The following CEP131 variants were observed in gnomAD, a reference collection of about 807,000 sequenced individuals.
The protein encoded by CEP131 is centrosomal protein of 131 kDa.
A neutral mutation model predicts 136.8 loss-of-function variants in CEP131; 99 were observed. The observed-to-expected ratio is 0.72, with a 90% CI of 0.62 to 0.86. The LOEUF (loss-of-function observed/expected upper bound fraction) is 0.86. Ranked by LOEUF, CEP131 falls within the 40% of genes least tolerant of loss-of-function variation. CEP131 has a pLI of 0.00. For missense variants in CEP131, 1,459 were observed against 1,463.0 expected (o/e 1.00, Z 0.04); for synonymous variants, 646 against 612.7 (o/e 1.05, Z -0.80).
At chr17:81,222,542 C>T (rs1218734304) in intron 1 of CEP131, among the ~76,000 whole-genome samples, 1 of 152,184 alleles carries the variant, frequency 6.6e-6, no homozygotes, top group Non-Finnish European at 1.5e-5. Context: ...CCTGTCTTCA[C>T]CTGCGCGGGC....
rs1039696882 is a variant in CEP131, at chr17:81,203,846, G to A, written c.516-239C>T. On this transcript the variant is annotated intron_variant, in intron 5 of 25. Transcript: ENST00000450824. This position sits in a 1 kb window ranked among gnomAD's most constrained non-coding sequence, Gnocchi z 4.6. The stretch of plus-strand genomic sequence containing the variant: ...CTCCCACGGGGCAGGGGATAGAATC[G>A]AGGCATGAACGCTGGACGTGCCCAA... The A allele has an allele frequency of 5.7e-6, 3 of 525,720 alleles. No homozygotes were observed. The highest frequency in any genetic ancestry group is 4.8e-5 in the South Asian group (2 of 41,520). 32.6% of individuals were successfully genotyped at this position (525,720 alleles called of 1,614,324 possible). A position where few individuals can be genotyped will look rare whatever the true frequency, so the allele number is the denominator to read the frequency against.
Position 81,203,267 on chromosome 17 carries a change from T to C in CEP131, c.629+227A>G, listed in dbSNP as rs560364713. Among the ~76,000 whole-genome samples, 17 of 152,170 alleles carry C rather than the reference T, an allele frequency of 1.1e-4. No homozygotes were observed. The highest frequency in any genetic ancestry group is 1.9e-4 in the Non-Finnish European group (13 of 68,022). Reference sequence around the variant, plus strand: ...CAAGAACAGAAGAGGGCGGCGGACGTGGATGGGGAGCCCGGTTCACAGCTG... The same window carrying C: ...CAAGAACAGAAGAGGGCGGCGGACGCGGATGGGGAGCCCGGTTCACAGCTG... On this transcript the variant is annotated intron_variant, in intron 6 of 25. Transcript: ENST00000450824. The surrounding 1 kb of genome is among the most constrained non-coding windows in gnomAD (Gnocchi z 4.6).
In CEP131 at chr17:81,195,859, G is replaced by A; in HGVS notation, c.1992C>T (p.Ala664=). 6 of 1,606,652 alleles carry A rather than the reference G, an allele frequency of 3.7e-6. No homozygotes were observed. Among genetic ancestry groups the A allele is most frequent in the Non-Finnish European group, 3.4e-6 (4 of 1,179,866 alleles). Residue 664 remains alanine (A), a synonymous_variant, in exon 16 of 26, where the codon GCC becomes GCT. Coordinates refer to ENST00000450824, the MANE Select transcript of CEP131 (RefSeq NM_014984.4). Reference sequence around the variant, plus strand: ...CCAGCTCGTGCTGCGCCTGTGCCTGGGCCACACGCTCGGTGCATCTCTGGT... The same window carrying A: ...CCAGCTCGTGCTGCGCCTGTGCCTGAGCCACACGCTCGGTGCATCTCTGGT... ...QEDQRCTERV[A]QAQAQHELEI...
chr17:81,212,962 G>C (rs1313943420), intron 2 of CEP131, among the ~76,000 whole-genome samples: 1 of 152,196 alleles, frequency 6.6e-6, no homozygotes, highest in Non-Finnish European at 1.5e-5. Flanking sequence ...CCAGCTCCCA[G>C]ACCTTGGTCT....
Position 81,193,758 on chromosome 17 carries a change from G to A in CEP131, c.2321+168C>T, listed in dbSNP as rs564782705. On this transcript the variant is annotated intron_variant, in intron 18 of 25. Transcript: ENST00000450824. Reference sequence around the variant, plus strand: ...CAAGCCCGAGGACACTGGCCCGGCTGAGGCTGGGCCCCCAAGGGCCACTCC... The same window carrying A: ...CAAGCCCGAGGACACTGGCCCGGCTAAGGCTGGGCCCCCAAGGGCCACTCC... 2.5e-3 allele frequency among the ~76,000 whole-genome samples: 381 copies of A among 152,334 alleles called. 3 individuals are homozygous for A. Among genetic ancestry groups the A allele is most frequent in the African/African-American group, 8.7e-3 (361 of 41,588 alleles).
At chr17:81,196,070 C>T (rs1216426713) in intron 15 of CEP131, 119 bp from the exon 16 acceptor site, 2 of 785,726 alleles carry the variant, frequency 2.5e-6, no homozygotes, top group African/African-American at 1.7e-5. Flanking sequence ...CTGGGGCTGC[C>T]CCTCCTAGGT....
At chr17:81,194,544 C>T (rs1286128900) in intron 17 of CEP131, among the ~76,000 whole-genome samples, 2 of 152,274 alleles carry the variant, frequency 1.3e-5, no homozygotes, top group Non-Finnish European at 2.9e-5. Context: ...CTTCCCGTGG[C>T]AGGGCCCACG....
Position 81,192,488 on chromosome 17 carries a change from C to A in CEP131, c.2535G>T (p.Glu845Asp). 3 of 1,611,846 alleles carry A rather than the reference C, an allele frequency of 1.9e-6. No individual in the cohort carries two copies. In the East Asian group the frequency reaches 6.7e-5, roughly 36 times the overall value. Residue 845 changes from glutamate to aspartate, a missense_variant, in exon 20 of 26, where the codon GAG becomes GAT. Physicochemically the swap from Glu to Asp is conservative, Grantham distance 45. Transcript: ENST00000450824. The part of the protein sequence containing the change: ...AEFEKGREEQ[E>D]RRHQMELNTL... ...TCCGGTGGTAGACCTGGTGCCGGCG[C>A]TCCTGCTCCTCCCTGCCCTTCTCAA...
Position 81,218,031 on chromosome 17 carries a change from C to T in CEP131, c.177+1849G>A, listed in dbSNP as rs114122352. 5.5e-3 allele frequency among the ~76,000 whole-genome samples: 839 copies of T among 151,714 alleles called. 6 individuals carry two copies. The highest frequency in any genetic ancestry group is 0.019 in the African/African-American group (800 of 41,286). On this transcript the variant is annotated intron_variant, in intron 2 of 25. Coordinates refer to ENST00000450824, the MANE Select transcript of CEP131 (RefSeq NM_014984.4). ...CCTCTCCCTCTCCCTCCCCCTCCCCCTCCCTCTTTCTTTCTTTCTTTCTTT... is the reference window on the plus strand; with the variant it reads ...CCTCTCCCTCTCCCTCCCCCTCCCCTTCCCTCTTTCTTTCTTTCTTTCTTT...
In CEP131 at chr17:81,194,003, C is replaced by G. The variant is rs911866614; in HGVS notation, c.2244G>C (p.Gln748His). ...DERASQRCLR[Q>H]AEELREQLER... ...CCAGCTGCTCCCGCAGCTCCTCGGC[C>G]TGGCGCAGGCAGCGCTGCGAGGCCC... Residue 748 changes from glutamine (Q) to histidine (H), a missense_variant, in exon 18 of 26, where the codon CAG becomes CAC. By Grantham distance (24) the Gln-to-His change is conservative. Around this residue, in one of 3 missense-constraint regions of CEP131, gnomAD observed 1,026 missense variants for 964.2 expected, o/e 1.06. Transcript: ENST00000450824. The G allele has an allele frequency of 2.1e-5, 32 of 1,558,436 alleles. No individual in the cohort carries two copies. Among genetic ancestry groups the G allele is most frequent in the Non-Finnish European group, 2.6e-5 (30 of 1,152,552 alleles).
chr17:81,190,806 G>A lies in CEP131; in HGVS notation c.2944-4C>T, dbSNP rs758353951. On this transcript the variant is annotated splice_polypyrimidine_tract_variant and splice_region_variant and intron_variant, in intron 23 of 25. Coordinates refer to ENST00000450824, the MANE Select transcript of CEP131 (RefSeq NM_014984.4). ...CGCTAGAAAGCTGCTCGTTCACCTG[G>A]GTGGGCACAGAAGGCAGTGAGCCGG... is the stretch of plus-strand genomic sequence containing the variant. 3.7e-6 allele frequency: 6 copies of A among 1,604,794 alleles called. No individual in the cohort carries two copies. The African/African-American group carries it at 5.3e-5, about 14-fold the overall frequency.
chr17:81,196,965 TCTC>T lies in CEP131; in HGVS notation c.1735_1737del (p.Glu579del), dbSNP rs748459737. Reference sequence around the variant, plus strand: ...TGCAGCAGCAGCATGGCCTGCTTCTTCTCCTCCACCTCCAGCTTCAGCCGCATC... The same window carrying T: ...TGCAGCAGCAGCATGGCCTGCTTCTTCTCCACCTCCAGCTTCAGCCGCATC... On this transcript the variant is annotated inframe_deletion, in exon 14 of 26. Coordinates refer to ENST00000450824, the MANE Select transcript of CEP131 (RefSeq NM_014984.4). 6.1e-5 allele frequency: 98 copies of T among 1,608,488 alleles called. No homozygotes were observed. Among genetic ancestry groups the T allele is most frequent in the Non-Finnish European group, 8.0e-5 (94 of 1,178,048 alleles).
chr17:81,220,038 T>C lies in CEP131; in HGVS notation c.19A>G (p.Ile7Val), dbSNP rs1193911388. 1.4e-5 allele frequency: 23 copies of C among 1,592,174 alleles called. No homozygotes were observed. Among genetic ancestry groups the C allele is most frequent in the Non-Finnish European group, 1.7e-5 (20 of 1,170,328 alleles). The change falls in exon 2 of 26, where the codon ATC becomes GTC. Residue 7 changes from isoleucine to valine, a missense_variant. Ile to Val is a conservative substitution (Grantham distance 29). This residue lies in a region of CEP131 where 187 missense variants were observed against 179.9 expected (regional missense o/e 1.04). Coordinates refer to ENST00000450824, the MANE Select transcript of CEP131 (RefSeq NM_014984.4). The part of the protein sequence containing the change: MKGTRA[I>V]GSVPERSPAG... ...GGGCTGCGCTCCGGGACGCTGCCGATGGCCCGGGTGCCTTTCATGGTGGAC... is the reference window on the plus strand; with the variant it reads ...GGGCTGCGCTCCGGGACGCTGCCGACGGCCCGGGTGCCTTTCATGGTGGAC...
intron 18 of CEP131, 126 bp from the exon 19 acceptor site, chr17:81,192,969 C>T: frequency 7.0e-7 from 1 of 1,425,874 alleles, no homozygotes; most frequent in Non-Finnish European, 9.3e-7. Flanking sequence ...GGGGCCCTGC[C>T]CCTCCCCCTC....
chr17:81,205,271 A>G lies in CEP131; in HGVS notation c.515+1473T>C, dbSNP rs928342420. ...GAGACTTCGTCTCAAAAACAAAAAC[A>G]AACAAACAAAAAAACACCAGAAGAA... On this transcript the variant is annotated intron_variant, in intron 5 of 25. Transcript: ENST00000450824. Among the ~76,000 whole-genome samples the G allele has an allele frequency of 2.4e-4, 36 of 151,544 alleles. 1 individual carries two copies. Among genetic ancestry groups the G allele is most frequent in the Non-Finnish European group, 5.9e-5 (4 of 67,926 alleles).
intron 17 of CEP131, 41 bp downstream of exon 17, chr17:81,194,827 ACC>A: frequency 4.0e-6 from 6 of 1,509,026 alleles, no homozygotes; most frequent in Non-Finnish European, 4.6e-6. Context: ...TGGCCGCAGC[ACC>A]CACCCCACAC....
intron 8 of CEP131, 98 bp downstream of exon 8, chr17:81,200,231 C>A: frequency 1.0e-6 from 1 of 966,506 alleles, no homozygotes; most frequent in Non-Finnish European, 1.5e-6. Context: ...ACGAGCAATC[C>A]TAGGCTTTGA....
At chr17:81,197,465 G>A (rs2061786019) in intron 13 of CEP131, 1 of 587,558 alleles carries the variant, frequency 1.7e-6, no homozygotes, top group Non-Finnish European at 2.9e-6. Context: ...GGTAGGTGGG[G>A]GCAGTATGGG....
At position 81,193,245 on chromosome 17, in the gene CEP131, G is replaced by A. The variant is rs78534072; in HGVS notation, c.2322-402C>T. 1.4e-4 allele frequency among the ~76,000 whole-genome samples: 21 copies of A among 152,260 alleles called. No individual in the cohort carries two copies. The East Asian group carries it at 2.3e-3, about 17-fold the overall frequency. On this transcript the variant is annotated intron_variant, in intron 18 of 25. Coordinates refer to ENST00000450824, the MANE Select transcript of CEP131 (RefSeq NM_014984.4). Reference sequence around the variant, plus strand: ...CCCTGCCTCCGGCCTGAGGGTGCCAGGTGCCTGGCTCCGTGACCTGAGCAA... The same window carrying A: ...CCCTGCCTCCGGCCTGAGGGTGCCAAGTGCCTGGCTCCGTGACCTGAGCAA...
Sources: allele counts gnomAD v4.1 joint callset (sites outside exome capture counted in the v4.1 genomes callset), GRCh38; gene constraint gnomAD v4.1.1; regional missense constraint gnomAD v4.1.1; non-coding constraint Gnocchi (gnomAD v3.1); transcripts MANE v1.5; gene names NCBI Gene and HGNC (gene_info 2026-07-23, HGNC 2026-07-21).